GPSM1: variants seen among roughly 807,000 people sequenced by gnomAD.
GPSM1 encodes the protein G protein-signaling modulator 1.
Under a neutral mutation model 70.5 loss-of-function variants are expected in GPSM1, and 48 were observed. The observed-to-expected ratio is 0.68, with a 90% CI of 0.54 to 0.87. The LOEUF (loss-of-function observed/expected upper bound fraction) is 0.87, where lower values mean the gene tolerates loss of function less well. GPSM1 is among the 40% of genes least tolerant of loss of function. The pLI, the probability that GPSM1 is intolerant of heterozygous loss-of-function variation, is 0.00. For synonymous variants in GPSM1, 416 were observed against 430.1 expected (o/e 0.97, Z 0.41); for missense variants, 981 against 972.6 (o/e 1.01, Z -0.11).
rs782637041 is a variant in GPSM1 at position 136,355,760 on chromosome 9, G to T, written c.1526G>T (p.Arg509Leu). The change falls in exon 12 of 14, where the codon CGC becomes CTC. Residue 509 changes from arginine to leucine, a missense_variant. Transcript: ENST00000440944. ...CTGTTGACCAAGTTCCAGAGCAGCC[G>T]CATGGACGACCAGCGTTGTCCCCTG... is the stretch of plus-strand genomic sequence containing the variant. ...FDLLTKFQSS[R>L]MDDQRCPLDD... 1 of 1,612,028 alleles carries T rather than the reference G, an allele frequency of 6.2e-7. No homozygotes were observed. Among genetic ancestry groups the T allele is most frequent in the Admixed American group, 1.7e-5 (1 of 60,002 alleles).
intron 11 of GPSM1, among the ~76,000 whole-genome samples, chr9:136,352,751 G>T (rs1470523129): frequency 2.0e-5 from 3 of 152,244 alleles, no homozygotes; most frequent in African/African-American, 7.2e-5. Context: ...CAGCTCTGGA[G>T]GGAGGCCCAG....
At position 136,358,779 on chromosome 9, in the gene GPSM1, C is replaced by T. The variant is rs535819608; in HGVS notation, c.*559C>T. ...CAACCACAGAAGGCCCCCCAGACCA[C>T]GCATGGCAGACCAGGCTGCAGTGGC... On this transcript the variant is annotated 3_prime_UTR_variant, in exon 14 of 14. Coordinates refer to ENST00000440944, the MANE Select transcript of GPSM1 (RefSeq NM_001145638.3). 1.4e-4 allele frequency: 23 copies of T among 166,730 alleles called. No individual in the cohort carries two copies. In the South Asian group the frequency reaches 2.1e-3, roughly 15 times the overall value. The allele number at this position is 166,730 out of a possible 1,614,324, so 10.3% of individuals were successfully genotyped here. A position where few individuals can be genotyped will look rare whatever the true frequency, so the allele number is the denominator to read the frequency against.
rs534888205 is a variant in GPSM1 at position 136,336,851 on chromosome 9, G to A, written c.427-70G>A. The A allele has an allele frequency of 2.4e-5, 35 of 1,433,586 alleles. No individual in the cohort carries two copies. In the East Asian group the frequency reaches 3.0e-4, roughly 12 times the overall value. 88.8% of individuals were successfully genotyped at this position (1,433,586 alleles called of 1,614,324 possible). On this transcript the variant is annotated intron_variant, in intron 3 of 13. Coordinates refer to ENST00000440944, the MANE Select transcript of GPSM1 (RefSeq NM_001145638.3). ...CGAGGGCTGGGACAGTGAGGACACC[G>A]GTGTGCCGGCTCTGCACATCGTGTG...
chr9:136,348,863 C>A, intron 10 of GPSM1, 96 bp downstream of exon 10: 2 of 910,342 alleles, frequency 2.2e-6, no homozygotes, highest in East Asian at 2.5e-5. Flanking sequence ...CACCTCAGCC[C>A]CTGTCTGCTG....
chr9:136,355,711 T>G lies in GPSM1; in HGVS notation c.1477T>G (p.Ser493Ala), dbSNP rs782214789. 9.9e-6 allele frequency: 16 copies of G among 1,612,186 alleles called. No homozygotes were observed. The South Asian group carries it at 1.6e-4, about 17-fold the overall frequency. ...CCAGAGCATCCCGAGGGCCCCGTCTTCGGACGAGGAGTGCTTCTTTGACCT... is the reference window on the plus strand; with the variant it reads ...CCAGAGCATCCCGAGGGCCCCGTCTGCGGACGAGGAGTGCTTCTTTGACCT... ...PRTSIPRAPS[S>A]DEECFFDLLT... Residue 493 changes from serine to alanine, a missense_variant, in exon 12 of 14, where the codon TCG becomes GCG. Physicochemically the swap from Ser to Ala is moderately conservative, Grantham distance 99. Transcript: ENST00000440944.
Position 136,335,943 on chromosome 9 carries a change from CCTCA to C in GPSM1, c.291-19_291-16del. ...GGCCTGACCAGTCCTCAGCCTGACC[CCTCA>C]CTCCTCCCTGCCATCCAGGACCATC... On this transcript the variant is annotated intron_variant, in intron 2 of 13. Coordinates refer to ENST00000440944, the MANE Select transcript of GPSM1 (RefSeq NM_001145638.3). 1 of 1,610,176 alleles carries C rather than the reference CCTCA, an allele frequency of 6.2e-7. No individual in the cohort carries two copies. Among genetic ancestry groups the C allele is most frequent in the Non-Finnish European group, 8.5e-7 (1 of 1,178,736 alleles).
In GPSM1 at chr9:136,342,980, T is replaced by G. The variant is rs1227046043; in HGVS notation, c.1207+1987T>G. Among the ~76,000 whole-genome samples, 3 of 152,070 alleles carry G rather than the reference T, an allele frequency of 2.0e-5. No homozygotes were observed. The highest frequency in any genetic ancestry group is 4.4e-5 in the Non-Finnish European group (3 of 67,976). ...GCGTGGCAGAGGCTGGTGGGTTTGGTGTCCCGTTGATAAACACAAGGAGAC... is the reference window on the plus strand; with the variant it reads ...GCGTGGCAGAGGCTGGTGGGTTTGGGGTCCCGTTGATAAACACAAGGAGAC... On this transcript the variant is annotated intron_variant, in intron 9 of 13. Coordinates refer to ENST00000440944, the MANE Select transcript of GPSM1 (RefSeq NM_001145638.3). This position sits in a 1 kb window ranked among gnomAD's most constrained non-coding sequence, Gnocchi z 5.5.
At chr9:136,332,084 C>T (rs1278318371) in intron 1 of GPSM1, 4 of 399,072 alleles carry the variant, frequency 1.0e-5, no homozygotes, top group Admixed American at 4.4e-5. Flanking sequence ...TGGTGTATGG[C>T]GCCCCCCGCC....
chr9:136,348,119 G>C (rs1008044401), intron 9 of GPSM1, among the ~76,000 whole-genome samples: 2 of 152,222 alleles, frequency 1.3e-5, no homozygotes, highest in Admixed American at 6.5e-5. Context: ...ACGGCCAGTA[G>C]GGTGAGCCCC....
chr9:136,331,834 G>T, intron 1 of GPSM1: 1 of 394,580 alleles, frequency 2.5e-6, no homozygotes, highest in Non-Finnish European at 4.5e-6. Flanking sequence ...CCACGTCAGG[G>T]ATTGGGGAGG....
intron 2 of GPSM1, 83 bp from the exon 3 acceptor site, chr9:136,335,883 C>T: frequency 2.1e-6 from 3 of 1,410,062 alleles, no homozygotes; most frequent in Admixed American, 1.9e-5. Context: ...GGCCCAGCTA[C>T]CCCACCCCAT....
intron 2 of GPSM1, among the ~76,000 whole-genome samples, chr9:136,335,400 G>A (rs76756452): frequency 0.019 from 2,865 of 152,232 alleles, 93 homozygotes; most frequent in African/African-American, 0.064. Context: ...CGTGCCTCAC[G>A]GGAGCACGCT....
At position 136,341,702 on chromosome 9, in the gene GPSM1, C is replaced by T; in HGVS notation, c.1207+709C>T. 3 of 991,716 alleles carry T rather than the reference C, an allele frequency of 3.0e-6. No individual in the cohort carries two copies. The highest frequency in any genetic ancestry group is 1.7e-5 in the African/African-American group (1 of 57,370). The allele number at this position is 991,716 out of a possible 1,614,324, so 61.4% of individuals were successfully genotyped here. A position where few individuals can be genotyped will look rare whatever the true frequency, so the allele number is the denominator to read the frequency against. ...TTTGCCAGCCCCCGAGAAGGGATGCCTGCCTCCCAGAACGTACCTGGTGCC... is the reference window on the plus strand; with the variant it reads ...TTTGCCAGCCCCCGAGAAGGGATGCTTGCCTCCCAGAACGTACCTGGTGCC... On this transcript the variant is annotated intron_variant, in intron 9 of 13. Transcript: ENST00000440944. This position sits in a 1 kb window ranked among gnomAD's most constrained non-coding sequence, Gnocchi z 6.7.
Position 136,355,673 on chromosome 9 carries a change from C to A in GPSM1, c.1456-17C>A. On this transcript the variant is annotated splice_polypyrimidine_tract_variant and intron_variant, in intron 11 of 13. Coordinates refer to ENST00000440944, the MANE Select transcript of GPSM1 (RefSeq NM_001145638.3). ...GCGGGGCTAGCTTTGGCTGCGGTGACCCCACTCCCTCCCCAGAGCATCCCG... is the reference window on the plus strand; with the variant it reads ...GCGGGGCTAGCTTTGGCTGCGGTGAACCCACTCCCTCCCCAGAGCATCCCG... 6.2e-7 allele frequency: 1 copy of A among 1,609,572 alleles called. No individual in the cohort carries two copies. Among genetic ancestry groups the A allele is most frequent in the Non-Finnish European group, 8.5e-7 (1 of 1,177,896 alleles).
intron 5 of GPSM1, 99 bp downstream of exon 5, chr9:136,337,663 C>G: frequency 8.0e-7 from 1 of 1,242,904 alleles, no homozygotes; most frequent in East Asian, 2.5e-5. Context: ...GGTGGTATGG[C>G]CAGGCAGCAG....
At chr9:136,357,910 G>GC in intron 13 of GPSM1, 104 bp from the exon 14 acceptor site, 1 of 828,342 alleles carries the variant, frequency 1.2e-6, no homozygotes, top group South Asian at 1.5e-5. Flanking sequence ...ACAGGGGGAA[G>GC]CCCGTGAACA....
intron 13 of GPSM1, among the ~76,000 whole-genome samples, chr9:136,356,913 AAC>A (rs1404024314): frequency 6.6e-6 from 1 of 152,170 alleles, no homozygotes; most frequent in Non-Finnish European, 1.5e-5. Flanking sequence ...CGGCAGGGAA[AAC>A]ACGGGCCAGA....
At chr9:136,352,205 G>T (rs1186914573) in intron 11 of GPSM1, among the ~76,000 whole-genome samples, 1 of 46,232 alleles carries the variant, frequency 2.2e-5, no homozygotes. Flanking sequence ...CCGATGCTGC[G>T]CCGTTGCTGT....
chr9:136,349,703 C>T lies in GPSM1; in HGVS notation c.1395C>T (p.Pro465=). 6.4e-7 allele frequency: 1 copy of T among 1,567,966 alleles called. No homozygotes were observed. Among genetic ancestry groups the T allele is most frequent in the South Asian group, 1.2e-5 (1 of 85,330 alleles). The part of the protein sequence containing the change: ...YQEGPDAERR[P]REGSHSPLDS... Reference sequence around the variant, plus strand: ...AAGGCCCGGACGCTGAGAGGAGGCCCCGGGAGGGCAGCCACTCCCCGCTGG... The same window carrying T: ...AAGGCCCGGACGCTGAGAGGAGGCCTCGGGAGGGCAGCCACTCCCCGCTGG... The change falls in exon 11 of 14, where the codon CCC becomes CCT. Residue 465 remains proline, a synonymous_variant. Coordinates refer to ENST00000440944, the MANE Select transcript of GPSM1 (RefSeq NM_001145638.3).
Sources: gnomAD v4.1 joint callset for allele counts (sites outside exome capture counted in the v4.1 genomes callset) on GRCh38, gnomAD v4.1.1 for gene constraint, Gnocchi (gnomAD v3.1) non-coding constraint, MANE v1.5 for transcripts, NCBI Gene and HGNC (gene_info 2026-07-23, HGNC 2026-07-21) for gene names.